RBM20: variants seen among roughly 807,000 people sequenced by gnomAD.
RBM20 encodes the protein RNA-binding protein 20.
A neutral mutation model predicts 110.1 loss-of-function variants in RBM20; 51 were observed. The observed-to-expected ratio is 0.46, with a 90% CI of 0.37 to 0.59. RBM20 has a LOEUF of 0.59. Ranked by LOEUF, RBM20 falls within the 20% of genes least tolerant of loss-of-function variation. RBM20 has a pLI of 0.00. For missense variants in RBM20, 1,512 were observed against 1,574.9 expected (o/e 0.96, Z 0.68); for synonymous variants, 589 against 618.2 (o/e 0.95, Z 0.70).
Position 110,644,441 on chromosome 10 carries a change from G to A in RBM20, c.-14G>A, listed in dbSNP as rs1281436202. The A allele has an allele frequency of 6.8e-7, 1 of 1,463,438 alleles. No homozygotes were observed. The highest frequency in any genetic ancestry group is 9.0e-7 in the Non-Finnish European group (1 of 1,112,414). 90.7% of individuals were successfully genotyped at this position (1,463,438 alleles called of 1,614,324 possible). A position where few individuals can be genotyped will look rare whatever the true frequency, so the allele number is the denominator to read the frequency against. ...GAGCTCTCTCGCCGCGATCCCGGGC[G>A]GGTCTCGCCCCGCATGGTGCTGGCA... On this transcript the variant is annotated 5_prime_UTR_variant, in exon 1 of 14. Coordinates refer to ENST00000369519, the MANE Select transcript of RBM20 (RefSeq NM_001134363.3). The surrounding 1 kb of genome is among the most constrained non-coding windows in gnomAD (Gnocchi z 4.3).
chr10:110,702,669 G>A (rs1378142383), intron 1 of RBM20, among the ~76,000 whole-genome samples: 1 of 152,250 alleles, frequency 6.6e-6, no homozygotes, highest in Non-Finnish European at 1.5e-5. Flanking sequence ...AGGGTCTTCT[G>A]TGCCTGTCCA....
At chr10:110,797,456 G>C (rs1844564175) in intron 5 of RBM20, 52 bp from the exon 6 acceptor site, 1 of 1,473,644 alleles carries the variant, frequency 6.8e-7, no homozygotes, top group African/African-American at 1.4e-5. Context: ...TGGAAGAGAG[G>C]GGAAAAGGGA....
intron 11 of RBM20, 91 bp from the exon 12 acceptor site, chr10:110,823,389 C>T: frequency 2.8e-6 from 4 of 1,430,752 alleles, no homozygotes; most frequent in Non-Finnish European, 3.7e-6. Flanking sequence ...TCATACTATG[C>T]AGGCATAGAA....
chr10:110,837,138 CTGG>C lies in RBM20; in HGVS notation c.*1161_*1163del. ...ATCCAAAGAGTGGCATTGAAGTTTG[CTGG>C]GTGTCTGTAGGTGGACCCTTTCCAG... is the stretch of plus-strand genomic sequence containing the variant. On this transcript the variant is annotated 3_prime_UTR_variant, in exon 14 of 14. Transcript: ENST00000369519. The C allele has an allele frequency of 6.6e-6, 1 of 152,418 alleles. No individual in the cohort carries two copies. Among genetic ancestry groups the C allele is most frequent in the East Asian group, 1.9e-4 (1 of 5,196 alleles). 9.4% of individuals were successfully genotyped at this position (152,418 alleles called of 1,614,324 possible).
intron 1 of RBM20, among the ~76,000 whole-genome samples, chr10:110,726,675 T>A (rs1202650537): frequency 6.6e-6 from 1 of 152,206 alleles, no homozygotes; most frequent in Non-Finnish European, 1.5e-5. Flanking sequence ...CCACTTCTGA[T>A]GCCAGTTGCA....
intron 1 of RBM20, among the ~76,000 whole-genome samples, chr10:110,710,551 A>T (rs1590630247): frequency 6.6e-6 from 1 of 152,204 alleles, no homozygotes; most frequent in East Asian, 1.9e-4. Flanking sequence ...TCCCAGTTAA[A>T]CTCCCAGCCC....
intron 1 of RBM20, among the ~76,000 whole-genome samples, chr10:110,770,198 C>A (rs1262931837): frequency 6.6e-6 from 1 of 152,006 alleles, no homozygotes; most frequent in East Asian, 1.9e-4. Context: ...AGGGGTGGGC[C>A]CAGCATCTGT....
chr10:110,835,340 T>TTTTTTTTTTTTTTTC (rs1564669645), intron 13 of RBM20: 1 of 21,778 alleles, frequency 4.6e-5, no homozygotes, highest in Non-Finnish European at 1.7e-4. Context: ...TTTTTTTTTC[T>TTTTTTTTTTTTTTTC]TTTTTTTTTT....
intron 1 of RBM20, among the ~76,000 whole-genome samples, chr10:110,700,843 C>T (rs1193477083): frequency 2.5e-4 from 38 of 152,100 alleles, no homozygotes. Flanking sequence ...TGGTGAAAGC[C>T]TGTCTCTACT....
At chr10:110,796,818 T>G (rs539797218) in intron 5 of RBM20, among the ~76,000 whole-genome samples, 217 of 152,364 alleles carry the variant, frequency 1.4e-3, no homozygotes, top group African/African-American at 5.0e-3. Flanking sequence ...TAGTTTTCAA[T>G]TTTATGATTG....
At chr10:110,752,876 G>A (rs925650721) in intron 1 of RBM20, among the ~76,000 whole-genome samples, 3 of 141,978 alleles carry the variant, frequency 2.1e-5, no homozygotes, top group Non-Finnish European at 4.5e-5. Context: ...AGAGTTACAT[G>A]CTCTATTCTA....
intron 1 of RBM20, among the ~76,000 whole-genome samples, chr10:110,678,235 C>G (rs1476308315): frequency 6.6e-6 from 1 of 152,138 alleles, no homozygotes; most frequent in Non-Finnish European, 1.5e-5. Context: ...CCTATAAAAA[C>G]CTAACCAAAG....
At chr10:110,776,375 G>A (rs1452652123) in intron 1 of RBM20, among the ~76,000 whole-genome samples, 3 of 152,198 alleles carry the variant, frequency 2.0e-5, no homozygotes, top group Non-Finnish European at 2.9e-5. Flanking sequence ...TAACATACAT[G>A]TATTATCTTA....
chr10:110,811,457 C>T (rs1844766617), intron 8 of RBM20, among the ~76,000 whole-genome samples: 1 of 152,118 alleles, frequency 6.6e-6, no homozygotes, highest in African/African-American at 2.4e-5. Context: ...GTTTATTAGT[C>T]TGTCTGTTTT....
At chr10:110,794,077 G>A (rs1044114183) in intron 5 of RBM20, among the ~76,000 whole-genome samples, 7 of 152,062 alleles carry the variant, frequency 4.6e-5, no homozygotes, top group Admixed American at 6.6e-5. Flanking sequence ...ACCTCACTCC[G>A]CCTGTTTCCC....
At chr10:110,799,180 A>G (rs988143793) in intron 6 of RBM20, among the ~76,000 whole-genome samples, 1 of 152,180 alleles carries the variant, frequency 6.6e-6, no homozygotes, top group Non-Finnish European at 1.5e-5. Context: ...TGCTGTCACC[A>G]TCACCACCAG....
At chr10:110,780,178 G>T (rs1166324656) in intron 1 of RBM20, among the ~76,000 whole-genome samples, 3 of 152,160 alleles carry the variant, frequency 2.0e-5, no homozygotes, top group Admixed American at 2.0e-4. Flanking sequence ...TAATAAAGTA[G>T]AAATTTGAAC....
chr10:110,777,327 C>T (rs894976112), intron 1 of RBM20, among the ~76,000 whole-genome samples: 1 of 152,176 alleles, frequency 6.6e-6, no homozygotes, highest in Non-Finnish European at 1.5e-5. Flanking sequence ...AGATCATGCA[C>T]CCCAATTTTT....
At chr10:110,690,759 G>C (rs1038328629) in intron 1 of RBM20, among the ~76,000 whole-genome samples, 1 of 152,158 alleles carries the variant, frequency 6.6e-6, no homozygotes, top group Non-Finnish European at 1.5e-5. Context: ...TACTTTGTAA[G>C]TACAATATAC....
Sources: gnomAD v4.1 joint callset for allele counts (sites outside exome capture counted in the v4.1 genomes callset) on GRCh38, gnomAD v4.1.1 for gene constraint, Gnocchi (gnomAD v3.1) non-coding constraint, MANE v1.5 for transcripts, NCBI Gene and HGNC (gene_info 2026-07-23, HGNC 2026-07-21) for gene names.